The following THADA variants were observed in gnomAD, a reference collection of about 807,000 sequenced individuals.
The protein encoded by THADA is THADA armadillo repeat containing.
In THADA, 213 loss-of-function variants were observed where a neutral mutation model predicts 219.8. The ratio of observed to expected loss-of-function variants is 0.97; its 90% confidence interval spans 0.87 to 1.09. THADA has a LOEUF of 1.09. Among genes scored for constraint, THADA ranks in the 50% least tolerant of loss-of-function variants. The probability of loss-of-function intolerance (pLI) is 0.00; values close to 1 mark genes in which losing one functional copy is unlikely to be tolerated. For synonymous variants in THADA, 1,018 were observed against 828.9 expected (o/e 1.23, Z -3.92); for missense variants, 2,956 against 2,311.3 (o/e 1.28, Z -5.72).
chr2:43,281,843 C>T (rs1309511069), intron 35 of THADA, among the ~76,000 whole-genome samples: 1 of 152,066 alleles, frequency 6.6e-6, no homozygotes, highest in Non-Finnish European at 1.5e-5. Flanking sequence ...CAATGGCTCA[C>T]ACTGCAGGCT....
At chr2:43,541,584 C>T (rs1454939937) in intron 20 of THADA, among the ~76,000 whole-genome samples, 1 of 151,998 alleles carries the variant, frequency 6.6e-6, no homozygotes. Context: ...TCATGGCTCA[C>T]TGCAGCCTTG....
intron 28 of THADA, among the ~76,000 whole-genome samples, chr2:43,417,939 A>C (rs547678605): frequency 6.6e-6 from 1 of 152,344 alleles, no homozygotes; most frequent in East Asian, 1.9e-4. Context: ...TAATATGTGT[A>C]AAGTCCTAAA....
intron 36 of THADA, among the ~76,000 whole-genome samples, chr2:43,258,198 A>G (rs1242815178): frequency 6.6e-6 from 1 of 152,184 alleles, no homozygotes; most frequent in African/African-American, 2.4e-5. Flanking sequence ...ATTCCCAAAT[A>G]TAGCATGGGG....
At chr2:43,279,981 G>C (rs1159161993) in intron 35 of THADA, 85 bp from the exon 36 acceptor site, 2 of 1,295,028 alleles carry the variant, frequency 1.5e-6, no homozygotes, top group Non-Finnish European at 2.0e-6. Context: ...TGGTGGAAGA[G>C]AGGAGCATTG....
chr2:43,523,838 T>A (rs1692808299), intron 22 of THADA, among the ~76,000 whole-genome samples: 1 of 152,226 alleles, frequency 6.6e-6, no homozygotes, highest in East Asian at 1.9e-4. Context: ...CATCAAGCAC[T>A]AATAAATCTC....
intron 28 of THADA, among the ~76,000 whole-genome samples, chr2:43,411,013 T>C (rs1676226780): frequency 6.6e-6 from 1 of 152,348 alleles, no homozygotes; most frequent in Admixed American, 6.5e-5. Context: ...GCCCAGCTAT[T>C]TCCTTTAAAC....
At chr2:43,386,822 C>T (rs1672744726) in intron 29 of THADA, among the ~76,000 whole-genome samples, 3 of 149,082 alleles carry the variant, frequency 2.0e-5, no homozygotes, top group African/African-American at 2.5e-5. Context: ...TGCTTGAACC[C>T]GGGAGGCAGA....
At chr2:43,569,243 CTGA>C (rs1365344027) in intron 14 of THADA, among the ~76,000 whole-genome samples, 1 of 152,194 alleles carries the variant, frequency 6.6e-6, no homozygotes, top group Non-Finnish European at 1.5e-5. Context: ...TCCCAAAGTG[CTGA>C]GATTATAGGC....
chr2:43,260,598 T>C (rs1039735112), intron 36 of THADA, among the ~76,000 whole-genome samples: 1 of 152,218 alleles, frequency 6.6e-6, no homozygotes, highest in African/African-American at 2.4e-5. Context: ...TGTGTTTTCC[T>C]CTGTATGGGC....
chr2:43,581,612 A>C, intron 8 of THADA, 129 bp downstream of exon 8: 3 of 720,970 alleles, frequency 4.2e-6, no homozygotes, highest in Non-Finnish European at 6.4e-6. Flanking sequence ...CATTTTTGAG[A>C]GGCTGAGTAA....
intron 36 of THADA, among the ~76,000 whole-genome samples, chr2:43,237,855 T>C (rs1668207822): frequency 6.6e-6 from 1 of 150,688 alleles, no homozygotes; most frequent in African/African-American, 2.4e-5. Flanking sequence ...CTGTGGCTCA[T>C]GCCTGTAATC....
intron 36 of THADA, among the ~76,000 whole-genome samples, chr2:43,271,052 T>G (rs547840667): frequency 6.6e-6 from 1 of 152,308 alleles, no homozygotes; most frequent in Admixed American, 6.5e-5. Context: ...CCACCTCCCC[T>G]AGGCCTTCCA....
chr2:43,311,920 C>T (rs961874626), intron 31 of THADA, among the ~76,000 whole-genome samples: 3 of 152,138 alleles, frequency 2.0e-5, no homozygotes, highest in Non-Finnish European at 2.9e-5. Context: ...CAGATGTGGC[C>T]GGTCATGGTG....
intron 24 of THADA, among the ~76,000 whole-genome samples, chr2:43,504,159 C>T (rs988548362): frequency 1.3e-5 from 2 of 152,038 alleles, no homozygotes; most frequent in Non-Finnish European, 2.9e-5. Context: ...AAGTGATAGT[C>T]TAGGAAAATA....
At chr2:43,390,170 G>C (rs1256183077) in intron 29 of THADA, among the ~76,000 whole-genome samples, 1 of 152,198 alleles carries the variant, frequency 6.6e-6, no homozygotes, top group Admixed American at 6.5e-5. Flanking sequence ...AAGCTCATCA[G>C]AACCATGACA....
intron 31 of THADA, among the ~76,000 whole-genome samples, chr2:43,319,464 G>C (rs1678440905): frequency 1.3e-5 from 2 of 152,272 alleles, no homozygotes; most frequent in South Asian, 4.2e-4. Context: ...CAGGGGTTTT[G>C]TGGGCTAATA....
chr2:43,315,514 C>G (rs763332321), intron 31 of THADA, among the ~76,000 whole-genome samples: 1 of 151,870 alleles, frequency 6.6e-6, no homozygotes, highest in African/African-American at 2.4e-5. Context: ...CCAGGTTGGA[C>G]TGCAATGGTG....
intron 31 of THADA, among the ~76,000 whole-genome samples, chr2:43,309,889 T>A (rs992819261): frequency 6.6e-6 from 1 of 152,304 alleles, no homozygotes; most frequent in South Asian, 2.1e-4. Flanking sequence ...AAGATCAATA[T>A]ACAAATATCA....
At chr2:43,291,837 G>T in intron 33 of THADA, 69 bp from the exon 34 acceptor site, 1 of 1,373,596 alleles carries the variant, frequency 7.3e-7, no homozygotes, top group Non-Finnish European at 1.0e-6. Context: ...ACCGGTTTTT[G>T]CAGATAGTCT....
Sources: allele counts gnomAD v4.1 joint callset (sites outside exome capture counted in the v4.1 genomes callset), GRCh38; gene constraint gnomAD v4.1.1; transcripts MANE v1.5; gene names NCBI Gene and HGNC (gene_info 2026-07-23, HGNC 2026-07-21).